Variants in ARL15 observed in about 807,000 individuals in gnomAD.
The protein encoded by ARL15 is ADP-ribosylation factor-like protein 15.
A neutral mutation model predicts 25.2 loss-of-function variants in ARL15; 19 were observed. The ratio of observed to expected loss-of-function variants is 0.75; its 90% CI spans 0.53 to 1.10. ARL15 has a LOEUF of 1.10. Ranked by LOEUF, ARL15 falls within the 50% of genes least tolerant of loss-of-function variation. The probability of loss-of-function intolerance (pLI) is 0.00; values close to 1 mark genes in which losing one functional copy is unlikely to be tolerated. For synonymous variants in ARL15, 94 were observed against 86.8 expected, an observed-to-expected ratio of 1.08 and a Z score of -0.46; for missense variants, 220 against 246.0, an observed-to-expected ratio of 0.89 and a Z score of 0.71.
intron 4 of ARL15, among the ~76,000 whole-genome samples, chr5:54,053,284 T>A (rs1750756084): frequency 6.6e-6 from 1 of 151,938 alleles, no homozygotes; most frequent in Non-Finnish European, 1.5e-5. Context: ...AAAATAAATA[T>A]CCATGAGTCT....
At chr5:54,286,551 C>G (rs1758184192) in intron 1 of ARL15, among the ~76,000 whole-genome samples, 1 of 152,142 alleles carries the variant, frequency 6.6e-6, no homozygotes, top group Non-Finnish European at 1.5e-5. Flanking sequence ...GCAAAAATAA[C>G]CAAATGAAAG....
chr5:53,948,535 T>A (rs1746826444), intron 4 of ARL15, among the ~76,000 whole-genome samples: 1 of 152,216 alleles, frequency 6.6e-6, no homozygotes, highest in Non-Finnish European at 1.5e-5. Context: ...AAAAGAGAAA[T>A]CTGGAAGCAA....
rs182998946 is a variant in ARL15 at position 54,101,042 on chromosome 5, C to T, written c.462+12160G>A. ...TGATAGAAATACATTTTCTATAGAA[C>T]CTTAGTTAGTCATACAATCTTAATT... On this transcript the variant is annotated intron_variant, in intron 4 of 4. Coordinates refer to ENST00000504924, the MANE Select transcript of ARL15 (RefSeq NM_019087.3). 2.1e-4 allele frequency among the ~76,000 whole-genome samples: 32 copies of T among 151,998 alleles called. No homozygotes were observed. The East Asian group carries it at 6.0e-3, about 28-fold the overall frequency.
At chr5:54,110,087 A>T (rs1414620913) in intron 4 of ARL15, among the ~76,000 whole-genome samples, 1 of 152,008 alleles carries the variant, frequency 6.6e-6, no homozygotes, top group Non-Finnish European at 1.5e-5. Context: ...CTTGCTTTTG[A>T]AAGGGCAAGA....
At chr5:54,124,526 CTCTT>C (rs562316559) in intron 3 of ARL15, among the ~76,000 whole-genome samples, 357 of 152,232 alleles carry the variant, frequency 2.3e-3, no homozygotes, top group African/African-American at 7.9e-3. Context: ...AAGATTTTGT[CTCTT>C]TCTTAATTAG....
rs150060729 is a variant in ARL15 at position 53,918,699 on chromosome 5, T to G, written c.463-31986A>C. Reference sequence around the variant, plus strand: ...CTGCACACTAATAAATATGAAGCTCTTAAAATCTGGCTTTAAGATAATGCC... The same window carrying G: ...CTGCACACTAATAAATATGAAGCTCGTAAAATCTGGCTTTAAGATAATGCC... On this transcript the variant is annotated intron_variant, in intron 4 of 4. Transcript: ENST00000504924. Among the ~76,000 whole-genome samples the G allele has an allele frequency of 7.9e-3, 1,208 of 152,280 alleles. 22 individuals carry two copies. The highest frequency in any genetic ancestry group is 0.028 in the African/African-American group (1,175 of 41,552).
chr5:54,203,232 C>A (rs1222811791), intron 1 of ARL15, among the ~76,000 whole-genome samples: 2 of 152,084 alleles, frequency 1.3e-5, no homozygotes, highest in African/African-American at 4.8e-5. Flanking sequence ...GGACACAAAT[C>A]GGCTTTAATA....
intron 1 of ARL15, among the ~76,000 whole-genome samples, chr5:54,308,905 C>T (rs964663047): frequency 6.6e-6 from 1 of 152,166 alleles, no homozygotes; most frequent in Non-Finnish European, 1.5e-5. Context: ...GTAGTACAGG[C>T]AATGTCACCC....
At chr5:54,205,406 C>G (rs1422605452) in intron 1 of ARL15, among the ~76,000 whole-genome samples, 1 of 152,074 alleles carries the variant, frequency 6.6e-6, no homozygotes, top group Non-Finnish European at 1.5e-5. Flanking sequence ...TTAGGGAAAA[C>G]CCATCAGGGA....
At chr5:53,978,622 C>CAAAAAAAAAAAAAA (rs147288475) in intron 4 of ARL15, among the ~76,000 whole-genome samples, 10 of 74,554 alleles carry the variant, frequency 1.3e-4, no homozygotes, top group East Asian at 8.0e-4. Context: ...CCTGTCTCTA[C>CAAAAAAAAAAAAAA]AAAAAAAAAA....
chr5:53,893,976 A>G (rs1744796498), intron 4 of ARL15, among the ~76,000 whole-genome samples: 1 of 152,248 alleles, frequency 6.6e-6, no homozygotes, highest in Non-Finnish European at 1.5e-5. Context: ...AATAAATGAT[A>G]CAAATAAAAA....
chr5:54,187,170 C>T (rs1262861910), intron 1 of ARL15, among the ~76,000 whole-genome samples: 1 of 152,134 alleles, frequency 6.6e-6, no homozygotes, highest in Admixed American at 6.6e-5. Context: ...CACCCTGCAC[C>T]AAACTCCACT....
chr5:54,289,638 TA>T (rs33956124), intron 1 of ARL15, among the ~76,000 whole-genome samples: 54,951 of 149,844 alleles, frequency 0.37, 12,827 homozygotes, highest in African/African-American at 0.68. Context: ...CTTTCAGTGT[TA>T]AGACTTTCTG....
At chr5:54,011,604 C>T (rs1749245117) in intron 4 of ARL15, among the ~76,000 whole-genome samples, 1 of 152,056 alleles carries the variant, frequency 6.6e-6, no homozygotes, top group Non-Finnish European at 1.5e-5. Context: ...CTAAAACAAC[C>T]TAAGACACCG....
chr5:54,003,768 G>GCC (rs3842041), intron 4 of ARL15, among the ~76,000 whole-genome samples: 1 of 151,032 alleles, frequency 6.6e-6, no homozygotes, highest in East Asian at 1.9e-4. Context: ...TCATTCTTGT[G>GCC]CCCCTCCTTT....
intron 4 of ARL15, among the ~76,000 whole-genome samples, chr5:53,991,203 C>A (rs1748477079): frequency 6.6e-6 from 1 of 152,030 alleles, no homozygotes; most frequent in Non-Finnish European, 1.5e-5. Context: ...TGAAAGGGAG[C>A]CGGGGCATGG....
chr5:53,971,099 T>A (rs957708258), intron 4 of ARL15, among the ~76,000 whole-genome samples: 3 of 152,076 alleles, frequency 2.0e-5, no homozygotes, highest in Non-Finnish European at 2.9e-5. Context: ...TAAAAAAAAA[T>A]TATAAATGTT....
At chr5:54,172,446 A>G (rs7718177) in intron 1 of ARL15, among the ~76,000 whole-genome samples, 32,434 of 152,064 alleles carry the variant, frequency 0.21, 3,563 homozygotes, top group Middle Eastern at 0.27. Flanking sequence ...AAATGACATT[A>G]TTGAGACAAT....
intron 4 of ARL15, chr5:54,048,348 C>T (rs1750591660): frequency 6.7e-6 from 1 of 149,274 alleles, no homozygotes; most frequent in African/African-American, 2.5e-5. Context: ...TACTCAATTA[C>T]CTTTCATCAA....
Sources: allele counts gnomAD v4.1 joint callset (sites outside exome capture counted in the v4.1 genomes callset), GRCh38; gene constraint gnomAD v4.1.1; transcripts MANE v1.5; gene names NCBI Gene and HGNC (gene_info 2026-07-23, HGNC 2026-07-21).